FIG4: variants seen among roughly 807,000 people sequenced by gnomAD.
FIG4 encodes polyphosphoinositide phosphatase.
A neutral mutation model predicts 118.6 loss-of-function variants in FIG4; 112 were observed. That is an observed-to-expected ratio of 0.94 (90% confidence interval 0.81 to 1.11). FIG4 has a LOEUF of 1.11. FIG4 is among the 50% of genes least tolerant of loss of function. The probability of loss-of-function intolerance (pLI) is 0.00; values close to 1 mark genes in which losing one functional copy is unlikely to be tolerated. For missense variants in FIG4, 969 were observed against 1,111.7 expected, an observed-to-expected ratio of 0.87 and a Z score of 1.83; for synonymous variants, 369 against 381.2, an observed-to-expected ratio of 0.97 and a Z score of 0.37.
intron 21 of FIG4, among the ~76,000 whole-genome samples, chr6:109,794,301 T>C (rs1778217380): frequency 6.6e-6 from 1 of 152,240 alleles, no homozygotes. Context: ...AGGAGTCATA[T>C]CCTGTGTTTC....
At chr6:109,718,040 A>G (rs1775487761) in intron 3 of FIG4, among the ~76,000 whole-genome samples, 1 of 152,204 alleles carries the variant, frequency 6.6e-6, no homozygotes, top group African/African-American at 2.4e-5. Flanking sequence ...CAGGCTGTAC[A>G]GGAAGCATAG....
At chr6:109,751,811 CTTTTT>C (rs1032835598) in intron 10 of FIG4, among the ~76,000 whole-genome samples, 3 of 120,774 alleles carry the variant, frequency 2.5e-5, no homozygotes, top group East Asian at 2.4e-4. Flanking sequence ...CTCTTTTTTT[CTTTTT>C]TTTTTAAGTA....
chr6:109,807,765 A>C (rs1192210472), intron 22 of FIG4, among the ~76,000 whole-genome samples: 1 of 152,172 alleles, frequency 6.6e-6, no homozygotes, highest in East Asian at 1.9e-4. Flanking sequence ...TATTTAATCC[A>C]TCTGGAGTTA....
At chr6:109,792,232 C>T (rs1259234009) in intron 20 of FIG4, among the ~76,000 whole-genome samples, 1 of 152,204 alleles carries the variant, frequency 6.6e-6, no homozygotes, top group Admixed American at 6.5e-5. Flanking sequence ...ACTACGTTTG[C>T]ACTATAACAG....
At chr6:109,716,664 T>C in intron 3 of FIG4, 96 bp downstream of exon 3, 1 of 1,367,138 alleles carries the variant, frequency 7.3e-7, no homozygotes, top group Non-Finnish European at 1.0e-6. Context: ...TATAAGGCTT[T>C]AAAATTATAA....
chr6:109,696,111 G>T (rs1774710054), intron 1 of FIG4, among the ~76,000 whole-genome samples: 1 of 151,998 alleles, frequency 6.6e-6, no homozygotes, highest in Non-Finnish European at 1.5e-5. Context: ...TTGGGGCATT[G>T]TCCCCATAAA....
chr6:109,807,895 T>A (rs1235536257), intron 22 of FIG4, among the ~76,000 whole-genome samples: 7 of 152,278 alleles, frequency 4.6e-5, no homozygotes, highest in Non-Finnish European at 1.5e-5. Flanking sequence ...TTTGTCAGAT[T>A]TGTCAAAGAT....
At position 109,763,967 on chromosome 6, in the gene FIG4, C is replaced by T. The variant is rs757859391; in HGVS notation, c.1419C>T (p.Pro473=). Residue 473 remains proline (P), a synonymous_variant, in exon 13 of 23, where the codon CCC becomes CCT. Coordinates refer to ENST00000230124, the MANE Select transcript of FIG4 (RefSeq NM_014845.6). ...ATGAACTAGGAGGATGTGTGATTCC[C>T]ACTGGTCGCCTGCAGGTATACACAG... ...KWNELGGCVI[P]TGRLQTGILR... The T allele has an allele frequency of 2.5e-6, 4 of 1,609,082 alleles. No homozygotes were observed. The highest frequency in any genetic ancestry group is 3.4e-6 in the Non-Finnish European group (4 of 1,175,492).
intron 4 of FIG4, among the ~76,000 whole-genome samples, 160 bp from the exon 5 acceptor site, chr6:109,732,477 C>A (rs1365515948): frequency 6.6e-6 from 1 of 152,144 alleles, no homozygotes; most frequent in East Asian, 1.9e-4. Context: ...ATCAATAGAC[C>A]TAGAATTGCT....
intron 1 of FIG4, among the ~76,000 whole-genome samples, chr6:109,709,256 A>G (rs1000747192): frequency 1.3e-5 from 2 of 152,172 alleles, no homozygotes; most frequent in Non-Finnish European, 2.9e-5. Context: ...AGGTTTGTCA[A>G]AGACTAGATA....
chr6:109,753,070 T>C lies in FIG4; in HGVS notation c.1138-7180T>C, dbSNP rs1439598348. Among the ~76,000 whole-genome samples, 11 of 152,190 alleles carry C rather than the reference T, an allele frequency of 7.2e-5. No homozygotes were observed. The South Asian group carries it at 1.2e-3, about 17-fold the overall frequency. On this transcript the variant is annotated intron_variant, in intron 10 of 22. Transcript: ENST00000230124. ...CTTTCTACATATGGCTAGCCAGTTTTCCCAGCACCATTTATTAAATAGGGA... is the reference window on the plus strand; with the variant it reads ...CTTTCTACATATGGCTAGCCAGTTTCCCCAGCACCATTTATTAAATAGGGA...
chr6:109,715,500 G>A (rs543451914), intron 2 of FIG4, among the ~76,000 whole-genome samples: 2 of 152,274 alleles, frequency 1.3e-5, no homozygotes, highest in South Asian at 2.1e-4. Flanking sequence ...ATCTGCCAAA[G>A]AGACGATCTG....
At chr6:109,822,783 GTATGTATA>G (rs1403588383) in intron 22 of FIG4, among the ~76,000 whole-genome samples, 7 of 120,668 alleles carry the variant, frequency 5.8e-5, no homozygotes, top group African/African-American at 2.1e-4. Context: ...GTGTGTGTGT[GTATGTATA>G]TATATATATA....
At chr6:109,805,938 G>C (rs1427090254) in intron 22 of FIG4, among the ~76,000 whole-genome samples, 1 of 152,016 alleles carries the variant, frequency 6.6e-6, no homozygotes, top group African/African-American at 2.4e-5. Context: ...AATAGAGCTA[G>C]GAAAATCGTT....
intron 22 of FIG4, 42 bp from the exon 23 acceptor site, chr6:109,825,046 T>A: frequency 6.3e-7 from 1 of 1,582,584 alleles, no homozygotes; most frequent in Non-Finnish European, 8.7e-7. Flanking sequence ...TCCTTCCTTA[T>A]ATTTTCTTTA....
At chr6:109,717,149 G>A (rs1775458449) in intron 3 of FIG4, among the ~76,000 whole-genome samples, 1 of 152,000 alleles carries the variant, frequency 6.6e-6, no homozygotes, top group African/African-American at 2.4e-5. Flanking sequence ...GTGACACAGA[G>A]AAGCAGCTTT....
At chr6:109,782,427 A>T (rs1047092194) in intron 16 of FIG4, among the ~76,000 whole-genome samples, 1 of 152,214 alleles carries the variant, frequency 6.6e-6, no homozygotes, top group South Asian at 2.1e-4. Flanking sequence ...ATTGCTACAT[A>T]TTGTAAGGGA....
intron 22 of FIG4, among the ~76,000 whole-genome samples, chr6:109,823,857 G>T (rs139534404): frequency 1.8e-4 from 28 of 152,230 alleles, no homozygotes; most frequent in South Asian, 2.1e-4. Context: ...CCAACCACCC[G>T]CATTCTCACA....
At chr6:109,783,582 CAT>C (rs1777869998) in intron 16 of FIG4, among the ~76,000 whole-genome samples, 1 of 152,240 alleles carries the variant, frequency 6.6e-6, no homozygotes, top group Admixed American at 6.5e-5. Context: ...ACTTTCAACA[CAT>C]AGAGCAGTGT....
Sources: gnomAD v4.1 joint callset for allele counts (sites outside exome capture counted in the v4.1 genomes callset) on GRCh38, gnomAD v4.1.1 for gene constraint, MANE v1.5 for transcripts, NCBI Gene and HGNC (gene_info 2026-07-23, HGNC 2026-07-21) for gene names.